SORCS2: variants seen among roughly 807,000 people sequenced by gnomAD.
SORCS2 encodes the protein sortilin related VPS10 domain containing receptor 2.
SORCS2 carries 100 observed loss-of-function variants against 141.6 expected under a neutral mutation model. The observed-to-expected ratio is 0.71, with a 90% CI of 0.60 to 0.83. The LOEUF (loss-of-function observed/expected upper bound fraction) is 0.83, where lower values mean the gene tolerates loss of function less well. Among genes scored for constraint, SORCS2 ranks in the 40% least tolerant of loss-of-function variants. SORCS2 has a pLI of 0.00. For missense variants in SORCS2, 1,646 were observed against 1,560.2 expected, an observed-to-expected ratio of 1.05 and a Z score of -0.93; for synonymous variants, 789 against 676.9, an observed-to-expected ratio of 1.17 and a Z score of -2.57.
chr4:7,724,433 T>TGGG, intron 19 of SORCS2, among the ~76,000 whole-genome samples: 1 of 128,032 alleles, frequency 7.8e-6, no homozygotes, highest in African/African-American at 3.3e-5. Context: ...GTGGTGGTGA[T>TGGG]AATGGTGACA....
At position 7,502,240 on chromosome 4, in the gene SORCS2, G is replaced by A. The variant is rs555931546; in HGVS notation, c.549-29290G>A. On this transcript the variant is annotated intron_variant, in intron 2 of 26. Coordinates refer to ENST00000507866, the MANE Select transcript of SORCS2 (RefSeq NM_020777.3). ...ACAAGGAATGTGCCCCGTGAGAGCC[G>A]GAGGGAGGGAAGAAGTCCTTGGAAG... is the stretch of plus-strand genomic sequence containing the variant. Among the ~76,000 whole-genome samples the A allele has an allele frequency of 6.9e-4, 105 of 152,182 alleles. 1 individual carries two copies. Among genetic ancestry groups the A allele is most frequent in the Non-Finnish European group, 1.3e-3 (90 of 68,032 alleles).
chr4:7,610,912 G>A (rs1179715078), intron 3 of SORCS2, among the ~76,000 whole-genome samples: 1 of 152,168 alleles, frequency 6.6e-6, no homozygotes, highest in Admixed American at 6.5e-5. Flanking sequence ...GCAGGTCTTG[G>A]TGCCAGGGAC....
At chr4:7,640,852 G>A (rs1720686955) in intron 4 of SORCS2, among the ~76,000 whole-genome samples, 1 of 152,096 alleles carries the variant, frequency 6.6e-6, no homozygotes, top group Non-Finnish European at 1.5e-5. Context: ...GGAACGAGAG[G>A]AATAGCACAT....
At chr4:7,426,459 C>T (rs909071451) in intron 2 of SORCS2, among the ~76,000 whole-genome samples, 2 of 152,214 alleles carry the variant, frequency 1.3e-5, no homozygotes, top group Non-Finnish European at 2.9e-5. Flanking sequence ...AGGTGTGGCT[C>T]ACACTTGTAA....
intron 2 of SORCS2, chr4:7,433,482 C>T (rs1403550380): frequency 6.9e-6 from 11 of 1,583,386 alleles, no homozygotes; most frequent in Admixed American, 1.8e-5. Context: ...GGCAGGCCCC[C>T]ACCTTCTTGC....
intron 1 of SORCS2, among the ~76,000 whole-genome samples, chr4:7,309,817 C>G (rs540626501): frequency 6.6e-6 from 1 of 152,100 alleles, no homozygotes; most frequent in East Asian, 1.9e-4. Context: ...CGTAACCCAC[C>G]GGGAGAGGAG....
intron 18 of SORCS2, among the ~76,000 whole-genome samples, chr4:7,720,579 TGAGA>T (rs1726521489): frequency 6.6e-6 from 1 of 152,084 alleles, no homozygotes; most frequent in Non-Finnish European, 1.5e-5. Context: ...AGCTACAGAG[TGAGA>T]GAAAGTATTT....
chr4:7,708,548 C>T (rs548907305), intron 14 of SORCS2, among the ~76,000 whole-genome samples: 53 of 152,286 alleles, frequency 3.5e-4, no homozygotes, highest in Non-Finnish European at 5.7e-4. Flanking sequence ...TGTCCTTCAG[C>T]GCCCCGGGAG....
chr4:7,673,137 A>C (rs1247587393), intron 8 of SORCS2, among the ~76,000 whole-genome samples: 1 of 152,228 alleles, frequency 6.6e-6, no homozygotes, highest in Non-Finnish European at 1.5e-5. Flanking sequence ...GTTATTTATA[A>C]CTCTAATCAG....
intron 2 of SORCS2, among the ~76,000 whole-genome samples, chr4:7,474,700 C>T (rs1188422349): frequency 1.3e-5 from 2 of 152,140 alleles, no homozygotes; most frequent in Admixed American, 6.5e-5. Context: ...CCTCGTGGAG[C>T]GAGACTGGGG....
intron 2 of SORCS2, among the ~76,000 whole-genome samples, chr4:7,435,670 C>T (rs1003339432): frequency 1.3e-5 from 2 of 152,264 alleles, no homozygotes; most frequent in African/African-American, 4.8e-5. Flanking sequence ...TACACACACA[C>T]AAAAGAGGTT....
At chr4:7,369,553 T>C (rs1560224623) in intron 1 of SORCS2, among the ~76,000 whole-genome samples, 1 of 152,152 alleles carries the variant, frequency 6.6e-6, no homozygotes, top group Non-Finnish European at 1.5e-5. Context: ...TGGGGGCGTG[T>C]CTACCCCGGA....
At chr4:7,529,785 A>T (rs1217991328) in intron 2 of SORCS2, among the ~76,000 whole-genome samples, 1 of 152,158 alleles carries the variant, frequency 6.6e-6, no homozygotes, top group African/African-American at 2.4e-5. Flanking sequence ...TCCCAAAGAA[A>T]ATCAATTCTC....
At chr4:7,720,755 A>G in intron 18 of SORCS2, among the ~76,000 whole-genome samples, 1 of 152,260 alleles carries the variant, frequency 6.6e-6, no homozygotes, top group Non-Finnish European at 1.5e-5. Flanking sequence ...GACAAACGCC[A>G]TCAGCCGCCA....
chr4:7,489,343 G>A (rs752745074), intron 2 of SORCS2, among the ~76,000 whole-genome samples: 6 of 152,180 alleles, frequency 3.9e-5, no homozygotes, highest in South Asian at 2.1e-4. Flanking sequence ...TTGTGGCTGC[G>A]TCGTCGCTGG....
At chr4:7,689,416 A>G in intron 10 of SORCS2, 70 bp from the exon 11 acceptor site, 2 of 1,457,950 alleles carry the variant, frequency 1.4e-6, no homozygotes, top group Non-Finnish European at 1.9e-6. Context: ...CAGATTTGTC[A>G]TCAGGCTTAG....
intron 14 of SORCS2, among the ~76,000 whole-genome samples, chr4:7,712,182 A>G (rs925552468): frequency 1.3e-5 from 2 of 152,156 alleles, no homozygotes; most frequent in African/African-American, 4.8e-5. Flanking sequence ...CTCTGCGCTG[A>G]GCCTGCTGAC....
At chr4:7,737,760 C>G (rs576295922) in intron 26 of SORCS2, among the ~76,000 whole-genome samples, 1 of 152,194 alleles carries the variant, frequency 6.6e-6, no homozygotes, top group Admixed American at 6.5e-5. Context: ...TGGCCGTTTT[C>G]TCTTCTGGTG....
chr4:7,520,617 C>T (rs560383737), intron 2 of SORCS2, among the ~76,000 whole-genome samples: 131 of 152,308 alleles, frequency 8.6e-4, no homozygotes, highest in Middle Eastern at 6.8e-3. Flanking sequence ...TTGGGAGACG[C>T]GGCTCAGGGC....
Sources: gnomAD v4.1 joint callset for allele counts (sites outside exome capture counted in the v4.1 genomes callset) on GRCh38, gnomAD v4.1.1 for gene constraint, MANE v1.5 for transcripts, NCBI Gene and HGNC (gene_info 2026-07-23, HGNC 2026-07-21) for gene names.